The following TEX30 variants were observed in gnomAD, a reference collection of about 807,000 sequenced individuals.
The protein encoded by TEX30 is testis-expressed protein 30.
In TEX30, 14 loss-of-function variants were observed where a neutral mutation model predicts 23.8. The ratio of observed to expected loss-of-function variants is 0.59; its 90% CI spans 0.39 to 0.92. TEX30 has a LOEUF of 0.92. Among genes scored for constraint, TEX30 ranks in the 40% least tolerant of loss-of-function variants. TEX30 has a pLI of 0.00. For synonymous variants in TEX30, 78 were observed against 90.2 expected (o/e 0.87, Z 0.76); for missense variants, 246 against 270.6 (o/e 0.91, Z 0.64).
intron 1 of TEX30, among the ~76,000 whole-genome samples, chr13:102,771,156 G>GT (rs1295727729): frequency 2.7e-5 from 4 of 148,864 alleles, no homozygotes; most frequent in East Asian, 2.0e-4. Flanking sequence ...TTCACACGAT[G>GT]TAAGTGTATT....
Position 102,771,301 on chromosome 13 carries a change from TA to T in TEX30, c.-60-1216del, listed in dbSNP as rs564517564. Among the ~76,000 whole-genome samples, 15 of 152,290 alleles carry T rather than the reference TA, an allele frequency of 9.8e-5. No individual in the cohort carries two copies. The South Asian group carries it at 2.9e-3, about 29-fold the overall frequency. On this transcript the variant is annotated intron_variant, in intron 1 of 5. Coordinates refer to ENST00000376032, the MANE Select transcript of TEX30 (RefSeq NM_138779.5). ...TAGGTATCATGTGCACACGGTACATTAAAAAAATGTAAACAGAAGTCAAAGT... is the reference window on the plus strand; with the variant it reads ...TAGGTATCATGTGCACACGGTACATTAAAAAATGTAAACAGAAGTCAAAGT...
Position 102,769,463 on chromosome 13 carries a change from T to A in TEX30, c.94A>T (p.Ile32Leu). 2 of 1,612,336 alleles carry A rather than the reference T, an allele frequency of 1.2e-6. No homozygotes were observed. The highest frequency in any genetic ancestry group is 1.7e-6 in the Non-Finnish European group (2 of 1,179,456). The change falls in exon 3 of 6, where the codon ATA becomes TTA. Residue 32 changes from isoleucine to leucine, a missense_variant. By Grantham distance (5) the Ile-to-Leu change is conservative (BLOSUM62 2). Coordinates refer to ENST00000376032, the MANE Select transcript of TEX30 (RefSeq NM_138779.5). ...CCTGATGCTCCATGTGTAAGAATTA[T>A]TCCATATGTTAAGCTCTTGTTAGGT... The part of the protein sequence containing the change: ...LVPNKSLTYG[I>L]ILTHGASGDM...
intron 3 of TEX30, among the ~76,000 whole-genome samples, chr13:102,768,997 G>C: frequency 6.6e-6 from 1 of 152,166 alleles, no homozygotes; most frequent in Non-Finnish European, 1.5e-5. Flanking sequence ...TACATGCATA[G>C]TATGGTAGAT....
chr13:102,769,377 GA>G lies in TEX30; in HGVS notation c.179del (p.Phe60SerfsTer3). 1 of 1,605,650 alleles carries G rather than the reference GA, an allele frequency of 6.2e-7. No individual in the cohort carries two copies. Among genetic ancestry groups the G allele is most frequent in the Non-Finnish European group, 8.5e-7 (1 of 1,177,322 alleles). ...LASHLASHGFFCLRFTCKGLN... is the reference protein window; with the variant it reads ...LASHLASHGFXCLRFTCKGLN... ...GGCCTTTACAGGTAAATCTCAGGCAGAAAAACCCATGAGATGCAAGATGGGA... is the reference window on the plus strand; with the variant it reads ...GGCCTTTACAGGTAAATCTCAGGCAGAAAACCCATGAGATGCAAGATGGGA... On this transcript the variant is annotated frameshift_variant, in exon 3 of 6. Transcript: ENST00000376032. LOFTEE classifies it high-confidence loss of function.
chr13:102,768,569 A>G (rs1877077935), intron 3 of TEX30, among the ~76,000 whole-genome samples: 2 of 152,260 alleles, frequency 1.3e-5, no homozygotes, highest in African/African-American at 4.8e-5. Flanking sequence ...ATATTTAAGC[A>G]CTAAACTATT....
At position 102,768,893 on chromosome 13, in the gene TEX30, G is replaced by A. The variant is rs74967049; in HGVS notation, c.246+418C>T. Among the ~76,000 whole-genome samples, 381 of 152,322 alleles carry A rather than the reference G, an allele frequency of 2.5e-3. 2 individuals are homozygous for A. The highest frequency in any genetic ancestry group is 8.8e-3 in the African/African-American group (367 of 41,570). ...TGTCCTGGGCCATATGTGGCCCATG[G>A]GTTGGACAAGCTTGATTTAGAGAAA... is the stretch of plus-strand genomic sequence containing the variant. On this transcript the variant is annotated intron_variant, in intron 3 of 5. Transcript: ENST00000376032.
chr13:102,766,732 G>A (rs1876915110), intron 5 of TEX30, 152 bp from the exon 6 acceptor site: 1 of 638,720 alleles, frequency 1.6e-6, no homozygotes, highest in Non-Finnish European at 2.5e-6. Flanking sequence ...GTGAGGAAAT[G>A]TCCGTAAAAG....
At chr13:102,771,960 T>G (rs1470574538) in intron 1 of TEX30, among the ~76,000 whole-genome samples, 1 of 152,212 alleles carries the variant, frequency 6.6e-6, no homozygotes, top group African/African-American at 2.4e-5. Context: ...AATACAGGGT[T>G]TGCTAAGCCA....
At position 102,768,252 on chromosome 13, in the gene TEX30, G is replaced by A; in HGVS notation, c.298+8C>T. ...TAATTAACAAGTATTCACAAGTATT[G>A]CACTTACCTCCAAGAAAAACACCTG... is the stretch of plus-strand genomic sequence containing the variant. On this transcript the variant is annotated splice_region_variant and intron_variant, in intron 4 of 5. Coordinates refer to ENST00000376032, the MANE Select transcript of TEX30 (RefSeq NM_138779.5). 1 of 1,596,066 alleles carries A rather than the reference G, an allele frequency of 6.3e-7. No homozygotes were observed. The highest frequency in any genetic ancestry group is 8.5e-7 in the Non-Finnish European group (1 of 1,169,910).
At chr13:102,769,909 CT>C in intron 2 of TEX30, 102 bp downstream of exon 2, 1 of 1,026,378 alleles carries the variant, frequency 9.7e-7, no homozygotes, top group South Asian at 2.5e-5. Flanking sequence ...GCTATACTGC[CT>C]CCCACAGTGA....
Position 102,766,390 on chromosome 13 carries a change from A to C in TEX30, c.*11T>G, listed in dbSNP as rs553116019. The C allele has an allele frequency of 1.2e-5, 20 of 1,610,142 alleles. No individual in the cohort carries two copies. In the South Asian group the frequency reaches 2.1e-4, roughly 17 times the overall value. On this transcript the variant is annotated 3_prime_UTR_variant, in exon 6 of 6. Transcript: ENST00000376032. The stretch of plus-strand genomic sequence containing the variant: ...TAACTGTATGTGTACTCAAGATAAC[A>C]TGGCTTTTAACTAATGACATTTCTT...
rs1256020672 is a variant in TEX30 at position 102,769,503 on chromosome 13, A to C, written c.54T>G (p.Asp18Glu). ...TCTTGTTAGGTACCAAACAAACAGC[A>C]TCTAGTAATTTATTTCCAAAAGGTA... ...LKIPFGNKLL[D>E]AVCLVPNKSL... The change falls in exon 3 of 6, where the codon GAT (aspartate) becomes GAG (glutamate). Residue 18 changes from aspartate to glutamate, a missense_variant. Coordinates refer to ENST00000376032, the MANE Select transcript of TEX30 (RefSeq NM_138779.5). The C allele has an allele frequency of 6.2e-7, 1 of 1,603,590 alleles. No homozygotes were observed. Among genetic ancestry groups the C allele is most frequent in the Admixed American group, 1.7e-5 (1 of 57,244 alleles).
At chr13:102,769,726 A>G (rs1444597250) in intron 2 of TEX30, 185 bp from the exon 3 acceptor site, 8 of 549,780 alleles carry the variant, frequency 1.5e-5, no homozygotes, top group Non-Finnish European at 2.2e-5. Context: ...AGTGCTTTAT[A>G]TGTATTAACT....
chr13:102,771,414 C>T (rs1431753974), intron 1 of TEX30, among the ~76,000 whole-genome samples: 1 of 152,104 alleles, frequency 6.6e-6, no homozygotes, highest in African/African-American at 2.4e-5. Flanking sequence ...ATCGTGTGTA[C>T]ATGGTACATT....
At chr13:102,770,162 C>CAT in intron 1 of TEX30, 76 bp from the exon 2 acceptor site, 1 of 472,400 alleles carries the variant, frequency 2.1e-6, no homozygotes, top group Non-Finnish European at 3.5e-6. Context: ...TGAACACATT[C>CAT]AGTAGCTAAA....
At position 102,766,456 on chromosome 13, in the gene TEX30, G is replaced by T. The variant is rs760719259; in HGVS notation, c.629C>A (p.Thr210Lys). 8.1e-6 allele frequency: 13 copies of T among 1,613,624 alleles called. No homozygotes were observed. The highest frequency in any genetic ancestry group is 1.6e-4 in the Middle Eastern group (1 of 6,078). The change falls in exon 6 of 6, where the codon ACA becomes AAA. Residue 210 changes from threonine (T) to lysine (K), a missense_variant. Thr to Lys is a moderately conservative substitution (Grantham distance 78). Transcript: ENST00000376032. Reference protein sequence around the residue: ...STNDVFKEINTQILFWIQEIT... With the variant: ...STNDVFKEINKQILFWIQEIT... Reference sequence around the variant, plus strand: ...TTCTTGGATCCAAAACAAAATCTGTGTATTTATTTCTTTGAAAACATCATT... The same window carrying T: ...TTCTTGGATCCAAAACAAAATCTGTTTATTTATTTCTTTGAAAACATCATT...
At position 102,770,019 on chromosome 13, in the gene TEX30, T is replaced by A. The variant is rs1413586749; in HGVS notation, c.8A>T (p.His3Leu). ...AACATACGAAAATATTACCTCTGTATGACTCATTTTCACTGTTGAATAACA... is the reference window on the plus strand; with the variant it reads ...AACATACGAAAATATTACCTCTGTAAGACTCATTTTCACTGTTGAATAACA... Reference protein sequence around the residue: MSHTEVKLKIPFG... With the variant: MSLTEVKLKIPFG... The change falls in exon 2 of 6, where the codon CAT becomes CTT. Residue 3 changes from histidine (H) to leucine (L), a missense_variant. His to Leu is a moderately conservative substitution (Grantham distance 99). Transcript: ENST00000376032. The A allele has an allele frequency of 6.9e-7, 1 of 1,442,918 alleles. No individual in the cohort carries two copies. The highest frequency in any genetic ancestry group is 9.2e-7 in the Non-Finnish European group (1 of 1,092,870). The allele number at this position is 1,442,918 out of a possible 1,614,324, so 89.4% of individuals were successfully genotyped here. A position where few individuals can be genotyped will look rare whatever the true frequency, so the allele number is the denominator to read the frequency against.
At chr13:102,768,462 C>T in intron 3 of TEX30, 151 bp from the exon 4 acceptor site, 1 of 530,934 alleles carries the variant, frequency 1.9e-6, no homozygotes. Context: ...AAGAAGTAAG[C>T]AGTCCTTCCT....
chr13:102,767,861 C>T (rs1300537637), intron 4 of TEX30, among the ~76,000 whole-genome samples: 2 of 151,818 alleles, frequency 1.3e-5, no homozygotes, highest in South Asian at 2.1e-4. Flanking sequence ...TGCAGTGAGC[C>T]GAGATGGCGC....
Sources: allele counts gnomAD v4.1 joint callset (sites outside exome capture counted in the v4.1 genomes callset), GRCh38; gene constraint gnomAD v4.1.1; transcripts MANE v1.5; gene names NCBI Gene and HGNC (gene_info 2026-07-23, HGNC 2026-07-21).